Variants in RUBCN observed in about 807,000 individuals in gnomAD.
RUBCN encodes rubicon autophagy regulator.
A neutral mutation model predicts 113.2 loss-of-function variants in RUBCN; 74 were observed. That is an observed-to-expected ratio of 0.65 (90% CI 0.54 to 0.79). The LOEUF (loss-of-function observed/expected upper bound fraction) is 0.79, where lower values mean the gene tolerates loss of function less well. RUBCN is among the 30% of genes least tolerant of loss of function. RUBCN has a pLI of 0.00. For synonymous variants in RUBCN, 480 were observed against 490.0 expected (o/e 0.98, Z 0.27); for missense variants, 1,109 against 1,251.7 (o/e 0.89, Z 1.72).
chr3:197,734,410 G>GAA (rs113117461), intron 1 of RUBCN, among the ~76,000 whole-genome samples: 3 of 129,742 alleles, frequency 2.3e-5, no homozygotes, highest in Admixed American at 1.6e-4. Flanking sequence ...TCTAAAAAAA[G>GAA]AAAAAAAAAA....
In RUBCN at chr3:197,677,560, G is replaced by A. The variant is rs1414310170; in HGVS notation, c.2431-19C>T. 1.2e-6 allele frequency: 2 copies of A among 1,611,826 alleles called. No homozygotes were observed. Among genetic ancestry groups the A allele is most frequent in the African/African-American group, 1.3e-5 (1 of 74,990 alleles). ...GCAGCAGCTGAAAAGAAAGAGAGGG[G>A]GGCAGGAGTGGGAGGGAGATGTGAG... On this transcript the variant is annotated intron_variant, in intron 16 of 19. Coordinates refer to ENST00000296343, the MANE Select transcript of RUBCN (RefSeq NM_014687.4).
At position 197,675,521 on chromosome 3, in the gene RUBCN, G is replaced by A; in HGVS notation, c.2647-6C>T. ...AAGCCTTTGGCTTGGCAGAGCTGGG[G>A]AGGAAAAACACAGATGGCAAAATGA... On this transcript the variant is annotated splice_region_variant and splice_polypyrimidine_tract_variant and intron_variant, in intron 18 of 19. Transcript: ENST00000296343. The surrounding 1 kb of genome is among the most constrained non-coding windows in gnomAD (Gnocchi z 4.4). The A allele has an allele frequency of 6.2e-7, 1 of 1,611,056 alleles. No homozygotes were observed. The highest frequency in any genetic ancestry group is 8.5e-7 in the Non-Finnish European group (1 of 1,177,426).
chr3:197,675,082 G>C lies in RUBCN; in HGVS notation c.2855C>G (p.Ser952Ter). The C allele has an allele frequency of 6.2e-7, 1 of 1,613,488 alleles. No individual in the cohort carries two copies. Among genetic ancestry groups the C allele is most frequent in the Admixed American group, 1.7e-5 (1 of 60,032 alleles). The change falls in exon 20 of 20, where the codon TCA (serine) becomes TGA (stop). Residue 952 changes from serine (S) to a stop codon, truncating the protein, a stop_gained. Coordinates refer to ENST00000296343, the MANE Select transcript of RUBCN (RefSeq NM_014687.4). LOFTEE classifies it high-confidence loss of function. The surrounding 1 kb of genome is among the most constrained non-coding windows in gnomAD (Gnocchi z 4.4). ...TTCCGCGGGCTCCTCCTCGTAGTCTGACAGGTAAGACTCCAGGCTCTGCCT... is the reference window on the plus strand; with the variant it reads ...TTCCGCGGGCTCCTCCTCGTAGTCTCACAGGTAAGACTCCAGGCTCTGCCT... Reference protein sequence around the residue: ...LARQSLESYLSDYEEEPAEAL... With the variant: ...LARQSLESYL
chr3:197,716,827 G>T (rs576822274), intron 2 of RUBCN, among the ~76,000 whole-genome samples: 2 of 152,216 alleles, frequency 1.3e-5, no homozygotes, highest in South Asian at 4.2e-4. Flanking sequence ...AAAGGGATGT[G>T]AAAGCAGAGA....
chr3:197,709,500 C>A (rs1489621470), intron 2 of RUBCN, among the ~76,000 whole-genome samples: 2 of 152,186 alleles, frequency 1.3e-5, no homozygotes, highest in Non-Finnish European at 2.9e-5. Flanking sequence ...CCTGCCTCAG[C>A]CTCCTGAGTA....
chr3:197,674,880 TAAAAAAA>T lies in RUBCN; in HGVS notation c.*131_*137del. 6 of 461,880 alleles carry T rather than the reference TAAAAAAA, an allele frequency of 1.3e-5. No homozygotes were observed. Among genetic ancestry groups the T allele is most frequent in the South Asian group, 9.6e-5 (3 of 31,260 alleles). The allele number at this position is 461,880 out of a possible 1,614,324, so 28.6% of individuals were successfully genotyped here. ...TGCACACAGACGTCAGACAAGTCAG[TAAAAAAA>T]AAAAAAAAGATGATGATAATTAAAA... is the stretch of plus-strand genomic sequence containing the variant. On this transcript the variant is annotated 3_prime_UTR_variant, in exon 20 of 20. Transcript: ENST00000296343.
intron 1 of RUBCN, among the ~76,000 whole-genome samples, chr3:197,742,094 A>C (rs1247675584): frequency 5.3e-5 from 8 of 151,806 alleles, no homozygotes; most frequent in South Asian, 4.2e-4. Context: ...ACGGGGTTTC[A>C]CTGTGTTAGC....
upstream of RUBCN, among the ~76,000 whole-genome samples, chr3:197,738,394 T>C (rs912613542): frequency 1.3e-5 from 2 of 152,218 alleles, no homozygotes; most frequent in Non-Finnish European, 2.9e-5. Context: ...AATATATGGC[T>C]TTTAGGTATT....
chr3:197,735,875 G>A lies in RUBCN; in HGVS notation c.65+780C>T, dbSNP rs763607332. On this transcript the variant is annotated intron_variant, in intron 1 of 19. Coordinates refer to ENST00000296343, the MANE Select transcript of RUBCN (RefSeq NM_014687.4). ...AAGGTGCTGGAATTACAGGTGTGAG[G>A]CACCGCACCCGGTCCAAAGTAGTTT... Among the ~76,000 whole-genome samples the A allele has an allele frequency of 7.9e-5, 12 of 152,242 alleles. 1 individual carries two copies. The highest frequency in any genetic ancestry group is 3.4e-3 in the Middle Eastern group (1 of 294).
chr3:197,696,032 T>TAAGCTTTTGTCATTA, intron 8 of RUBCN, 51 bp from the exon 9 acceptor site: 1 of 1,560,446 alleles, frequency 6.4e-7, no homozygotes, highest in Non-Finnish European at 8.8e-7. Context: ...CAGGAAGTCT[T>TAAGCTTTTGTCATTA]AAGCTTTTGT....
chr3:197,675,654 T>C lies in RUBCN; in HGVS notation c.2647-139A>G. 2.8e-6 allele frequency: 2 copies of C among 717,892 alleles called. No individual in the cohort carries two copies. Among genetic ancestry groups the C allele is most frequent in the Non-Finnish European group, 5.0e-6 (2 of 400,058 alleles). 44.5% of individuals were successfully genotyped at this position (717,892 alleles called of 1,614,324 possible). A position where few individuals can be genotyped will look rare whatever the true frequency, so the allele number is the denominator to read the frequency against. ...GAGGCCTGGGCTGGACTCAGAAGCA[T>C]GAAAGCTAAACTAGGACCAGGGCCG... On this transcript the variant is annotated intron_variant, in intron 18 of 19. Coordinates refer to ENST00000296343, the MANE Select transcript of RUBCN (RefSeq NM_014687.4). The surrounding 1 kb of genome is among the most constrained non-coding windows in gnomAD (Gnocchi z 4.4).
At chr3:197,695,428 C>A (rs554861224) in intron 9 of RUBCN, among the ~76,000 whole-genome samples, 2 of 152,258 alleles carry the variant, frequency 1.3e-5, no homozygotes, top group Non-Finnish European at 2.9e-5. Flanking sequence ...AGACCTCCCC[C>A]ATCTCTACAA....
intron 7 of RUBCN, among the ~76,000 whole-genome samples, chr3:197,698,088 A>C (rs113973738): frequency 0.028 from 4,234 of 152,284 alleles, 119 homozygotes; most frequent in African/African-American, 0.072. Context: ...ACAAACTCCA[A>C]CACGACCTTA....
At chr3:197,697,139 C>T in intron 7 of RUBCN, 90 bp from the exon 8 acceptor site, 1 of 732,704 alleles carries the variant, frequency 1.4e-6, no homozygotes, top group Non-Finnish European at 2.5e-6. Context: ...CTTAACTGCA[C>T]CCCTTCCCAA....
chr3:197,725,518 A>ATTTTT (rs1182710026), intron 1 of RUBCN, among the ~76,000 whole-genome samples: 33 of 120,872 alleles, frequency 2.7e-4, no homozygotes, highest in Non-Finnish European at 4.5e-4. Flanking sequence ...TGACAGGAGA[A>ATTTTT]TCTTTTTTTT....
In RUBCN at chr3:197,704,685, T is replaced by A. The variant is rs773101047; in HGVS notation, c.320A>T (p.Glu107Val). The change falls in exon 4 of 20, where the codon GAG becomes GTG. Residue 107 changes from glutamate (E) to valine (V), a missense_variant. By Grantham distance (121) the Glu-to-Val change is moderately radical. Coordinates refer to ENST00000296343, the MANE Select transcript of RUBCN (RefSeq NM_014687.4). ...LHVEKFISVH[E>V]NDQSSADGAS... is the part of the protein sequence containing the mutation. Reference sequence around the variant, plus strand: ...ACCATCAGCACTGCTCTGGTCGTTCTCGTGCACGCTGATGAACTGGGAAGC... The same window carrying A: ...ACCATCAGCACTGCTCTGGTCGTTCACGTGCACGCTGATGAACTGGGAAGC... 4 of 1,613,816 alleles carry A rather than the reference T, an allele frequency of 2.5e-6. No homozygotes were observed. The African/African-American group carries it at 5.3e-5, about 22-fold the overall frequency.
At chr3:197,708,149 T>C (rs1028076607) in intron 2 of RUBCN, among the ~76,000 whole-genome samples, 1 of 152,058 alleles carries the variant, frequency 6.6e-6, no homozygotes, top group Non-Finnish European at 1.5e-5. Context: ...ATTTTTTTTT[T>C]TTCCAAGACG....
At chr3:197,745,297 A>AAC (rs397739925) in intron 1 of RUBCN, among the ~76,000 whole-genome samples, 1 of 143,500 alleles carries the variant, frequency 7.0e-6, no homozygotes, top group East Asian at 2.1e-4. Flanking sequence ...AAAAAAAAAA[A>AAC]GAAAGAAAAG....
intron 1 of RUBCN, among the ~76,000 whole-genome samples, chr3:197,734,929 G>C (rs1267033873): frequency 6.6e-6 from 1 of 152,172 alleles, no homozygotes; most frequent in African/African-American, 2.4e-5. Context: ...TGTTCAACAG[G>C]CCACTTTGCA....
Sources: gnomAD v4.1 joint callset for allele counts (sites outside exome capture counted in the v4.1 genomes callset) on GRCh38, gnomAD v4.1.1 for gene constraint, Gnocchi (gnomAD v3.1) non-coding constraint, MANE v1.5 for transcripts, NCBI Gene and HGNC (gene_info 2026-07-23, HGNC 2026-07-21) for gene names.